Variants in GARRE1 observed in about 807,000 individuals in gnomAD.
GARRE1 encodes granule associated Rac and RHOG effector 1, also known as granule associated Rac and RHOG effector protein 1.
A neutral mutation model predicts 103.2 loss-of-function variants in GARRE1; 49 were observed. That is an observed-to-expected ratio of 0.47 (90% confidence interval 0.38 to 0.60). The LOEUF (loss-of-function observed/expected upper bound fraction) is 0.60. Ranked by LOEUF, GARRE1 falls within the 20% of genes least tolerant of loss-of-function variation. The pLI, the probability that GARRE1 is intolerant of heterozygous loss-of-function variation, is 0.00. For synonymous variants in GARRE1, 505 were observed against 532.8 expected, an observed-to-expected ratio of 0.95 and a Z score of 0.72; for missense variants, 1,199 against 1,370.5, an observed-to-expected ratio of 0.87 and a Z score of 1.98.
At chr19:34,313,383 T>G (rs1325476168) in intron 2 of GARRE1, among the ~76,000 whole-genome samples, 3 of 151,918 alleles carry the variant, frequency 2.0e-5, no homozygotes, top group South Asian at 2.1e-4. Flanking sequence ...TGAGGGGAGG[T>G]GAGGCCTCCT....
intron 1 of GARRE1, among the ~76,000 whole-genome samples, chr19:34,285,620 C>T (rs1384566543): frequency 6.6e-6 from 1 of 151,726 alleles, no homozygotes; most frequent in African/African-American, 2.4e-5. Flanking sequence ...GAGACTTCAT[C>T]TCAAAAAAAG....
intron 2 of GARRE1, among the ~76,000 whole-genome samples, chr19:34,312,698 G>T (rs1011561292): frequency 1.3e-5 from 2 of 152,150 alleles, no homozygotes; most frequent in Non-Finnish European, 2.9e-5. Flanking sequence ...AGGCTGAGGT[G>T]GGTGGATCAC....
At chr19:34,276,756 A>G (rs1168872994) in intron 1 of GARRE1, among the ~76,000 whole-genome samples, 1 of 152,246 alleles carries the variant, frequency 6.6e-6, no homozygotes, top group African/African-American at 2.4e-5. Flanking sequence ...TATAGCAGCC[A>G]GTTTCTCGAG....
At chr19:34,259,928 ATTC>A (rs1452563089) in intron 1 of GARRE1, among the ~76,000 whole-genome samples, 3 of 152,158 alleles carry the variant, frequency 2.0e-5, no homozygotes, top group Admixed American at 2.0e-4. Flanking sequence ...CTTGGGTCTC[ATTC>A]TTCTTGCTGC....
intron 2 of GARRE1, among the ~76,000 whole-genome samples, chr19:34,312,124 T>G (rs1051760462): frequency 6.6e-6 from 1 of 152,000 alleles, no homozygotes; most frequent in Non-Finnish European, 1.5e-5. Context: ...CCTGTTTCTG[T>G]TTTTGTTTTT....
At chr19:34,318,738 C>T (rs1183320512) in intron 2 of GARRE1, among the ~76,000 whole-genome samples, 2 of 152,002 alleles carry the variant, frequency 1.3e-5, no homozygotes, top group Admixed American at 6.6e-5. Flanking sequence ...CCAGTTTTTG[C>T]CCTGTGTTAA....
At chr19:34,348,963 C>T (rs958339557) in intron 11 of GARRE1, 53 bp from the exon 12 acceptor site, 116 of 1,596,328 alleles carry the variant, frequency 7.3e-5, no homozygotes, top group South Asian at 3.4e-4. Context: ...GGTGGGGTGG[C>T]GGGTGGTGGG....
Position 34,341,638 on chromosome 19 carries a change from C to G in GARRE1, c.1704C>G (p.Ile568Met). 6.2e-7 allele frequency: 1 copy of G among 1,614,202 alleles called. No individual in the cohort carries two copies. The highest frequency in any genetic ancestry group is 8.5e-7 in the Non-Finnish European group (1 of 1,180,032). The part of the protein sequence containing the change: ...YSIQNTPSKN[I>M]FIAGCSEEKA... ...TCCAAAATACCCCTTCCAAAAACAT[C>G]TTCATAGCTGGATGTTCCGAAGAGA... is the stretch of plus-strand genomic sequence containing the variant. Residue 568 changes from isoleucine (I) to methionine (M), a missense_variant, in exon 10 of 14, where the codon ATC becomes ATG. Coordinates refer to ENST00000299505, the MANE Select transcript of GARRE1 (RefSeq NM_014686.5).
chr19:34,350,504 T>C (rs577481790), intron 12 of GARRE1, among the ~76,000 whole-genome samples: 49 of 152,200 alleles, frequency 3.2e-4, no homozygotes, highest in Non-Finnish European at 6.5e-4. Flanking sequence ...CATTCAACCT[T>C]GTAACAGACT....
intron 1 of GARRE1, among the ~76,000 whole-genome samples, chr19:34,264,403 T>C (rs1225035220): frequency 6.6e-6 from 1 of 152,004 alleles, no homozygotes; most frequent in African/African-American, 2.4e-5. Context: ...CATGTCTTTT[T>C]TTTTTTGGAG....
rs144578144 is a variant in GARRE1, at chr19:34,327,561, A to C, written c.846A>C (p.Gln282His). The change falls in exon 4 of 14, where the codon CAA (glutamine) becomes CAC (histidine). Residue 282 changes from glutamine (Q) to histidine (H), a missense_variant and splice_region_variant. Transcript: ENST00000299505. ...ELNIKIDSAL[Q>H]AYKIALESLG... The stretch of plus-strand genomic sequence containing the variant: ...ACATAAAAATCGACAGTGCTTTGCA[A>C]GTAAGTTTTTCAGAACTGACATACT... 1 of 1,613,436 alleles carries C rather than the reference A, an allele frequency of 6.2e-7. No individual in the cohort carries two copies. The highest frequency in any genetic ancestry group is 8.5e-7 in the Non-Finnish European group (1 of 1,179,898).
In GARRE1 at chr19:34,352,995, C is replaced by T. The variant is rs1366164882; in HGVS notation, c.*40C>T. Reference sequence around the variant, plus strand: ...GCCTGCCTGCCTGCCTGCCTGCCCGCCCAGAGCTGTGGGGATGAGTGTCCC... The same window carrying T: ...GCCTGCCTGCCTGCCTGCCTGCCCGTCCAGAGCTGTGGGGATGAGTGTCCC... On this transcript the variant is annotated 3_prime_UTR_variant, in exon 14 of 14. Transcript: ENST00000299505. The T allele has an allele frequency of 6.8e-7, 1 of 1,478,070 alleles. No individual in the cohort carries two copies. Among genetic ancestry groups the T allele is most frequent in the Admixed American group, 2.1e-5 (1 of 47,362 alleles). The allele number at this position is 1,478,070 out of a possible 1,614,324, so 91.6% of individuals were successfully genotyped here.
chr19:34,294,770 T>G (rs2073938302), intron 1 of GARRE1, among the ~76,000 whole-genome samples: 2 of 152,170 alleles, frequency 1.3e-5, no homozygotes, highest in South Asian at 4.1e-4. Flanking sequence ...AGTGGTGTGA[T>G]CCAAGCAATT....
intron 1 of GARRE1, among the ~76,000 whole-genome samples, chr19:34,271,977 A>G (rs2073791015): frequency 6.6e-6 from 1 of 152,166 alleles, no homozygotes. Context: ...TGAGTAGTGC[A>G]AGGGTAAGGA....
intron 1 of GARRE1, among the ~76,000 whole-genome samples, chr19:34,292,132 G>C (rs1025572063): frequency 6.6e-6 from 1 of 152,152 alleles, no homozygotes; most frequent in Non-Finnish European, 1.5e-5. Context: ...AAAGTGTTGG[G>C]ATTACAGGCG....
chr19:34,318,496 G>T (rs1350030272), intron 2 of GARRE1, among the ~76,000 whole-genome samples: 1 of 152,242 alleles, frequency 6.6e-6, no homozygotes, highest in Non-Finnish European at 1.5e-5. Context: ...CTCCTGCTCA[G>T]CTGGGTGAAT....
intron 12 of GARRE1, among the ~76,000 whole-genome samples, chr19:34,351,168 C>T (rs1568314273): frequency 6.7e-6 from 1 of 148,296 alleles, no homozygotes; most frequent in Non-Finnish European, 1.5e-5. Flanking sequence ...CACTGCACTC[C>T]AGCCTGGGAA....
In GARRE1 at chr19:34,333,830, C is replaced by T. The variant is rs1485215033; in HGVS notation, c.1361+29C>T. The T allele has an allele frequency of 3.8e-6, 5 of 1,304,346 alleles. No individual in the cohort carries two copies. In the South Asian group the frequency reaches 5.9e-5, roughly 15 times the overall value. 80.8% of individuals were successfully genotyped at this position (1,304,346 alleles called of 1,614,324 possible). A position where few individuals can be genotyped will look rare whatever the true frequency, so the allele number is the denominator to read the frequency against. ...ACGTGCCTCTTACTTTCACCGGAGCCTAAGCTCTGACTGACGTTTGCACAT... is the reference window on the plus strand; with the variant it reads ...ACGTGCCTCTTACTTTCACCGGAGCTTAAGCTCTGACTGACGTTTGCACAT... On this transcript the variant is annotated intron_variant, in intron 8 of 13. Coordinates refer to ENST00000299505, the MANE Select transcript of GARRE1 (RefSeq NM_014686.5).
At position 34,299,819 on chromosome 19, in the gene GARRE1, G is replaced by A. The variant is rs1276933143; in HGVS notation, c.-655G>A. ...TCAGCAAACAAAAGGAATGGAGGAGGAGACTTACAACAAACGCCATTTAAA... is the reference window on the plus strand; with the variant it reads ...TCAGCAAACAAAAGGAATGGAGGAGAAGACTTACAACAAACGCCATTTAAA... On this transcript the variant is annotated 5_prime_UTR_variant, in exon 2 of 14. Transcript: ENST00000299505. 1.3e-5 allele frequency: 2 copies of A among 152,026 alleles called. No homozygotes were observed. The highest frequency in any genetic ancestry group is 2.9e-5 in the Non-Finnish European group (2 of 68,022). 9.4% of individuals were successfully genotyped at this position (152,026 alleles called of 1,614,324 possible).
Sources: gnomAD v4.1 joint callset for allele counts (sites outside exome capture counted in the v4.1 genomes callset) on GRCh38, gnomAD v4.1.1 for gene constraint, MANE v1.5 for transcripts, NCBI Gene and HGNC (gene_info 2026-07-23, HGNC 2026-07-21) for gene names.